NOS1AP: variants seen among roughly 807,000 people sequenced by gnomAD.
The protein encoded by NOS1AP is carboxyl-terminal PDZ ligand of neuronal nitric oxide synthase protein.
In NOS1AP, 21 loss-of-function variants were observed where a neutral mutation model predicts 56.2. The observed-to-expected ratio is 0.37, with a 90% CI of 0.26 to 0.54. NOS1AP has a LOEUF of 0.54. Among genes scored for constraint, NOS1AP ranks in the 20% least tolerant of loss-of-function variants. NOS1AP has a pLI of 0.84. For missense variants in NOS1AP, 522 were observed against 657.8 expected, an observed-to-expected ratio of 0.79 and a Z score of 2.26; for synonymous variants, 270 against 274.6, an observed-to-expected ratio of 0.98 and a Z score of 0.17.
chr1:162,321,729 A>ATATATAT (rs56969327), intron 4 of NOS1AP, among the ~76,000 whole-genome samples: 8 of 127,812 alleles, frequency 6.3e-5, no homozygotes, highest in Non-Finnish European at 1.2e-4. Flanking sequence ...TAAAAAAAAA[A>ATATATAT]AAATATATAT....
At chr1:162,201,056 C>G (rs1651975499) in intron 2 of NOS1AP, among the ~76,000 whole-genome samples, 1 of 152,170 alleles carries the variant, frequency 6.6e-6, no homozygotes, top group African/African-American at 2.4e-5. Context: ...TCTTCCTCCT[C>G]CCACTCTCTG....
At chr1:162,167,998 C>CAAAA (rs33932029) in intron 2 of NOS1AP, among the ~76,000 whole-genome samples, 11,397 of 139,004 alleles carry the variant, frequency 0.082, 1,257 homozygotes, top group African/African-American at 0.25. Context: ...AGTGGCTAGT[C>CAAAA]AAAAAAAAAA....
intron 2 of NOS1AP, among the ~76,000 whole-genome samples, chr1:162,250,199 G>T (rs763346608): frequency 6.6e-6 from 1 of 152,140 alleles, no homozygotes; most frequent in Non-Finnish European, 1.5e-5. Flanking sequence ...CCATTTTCCC[G>T]AGGGGACAGT....
intron 2 of NOS1AP, among the ~76,000 whole-genome samples, chr1:162,262,244 A>T (rs1362022805): frequency 6.6e-6 from 1 of 152,150 alleles, no homozygotes; most frequent in African/African-American, 2.4e-5. Flanking sequence ...AGCTATGGAT[A>T]AGAGAAGCAT....
chr1:162,241,771 G>A (rs1237174527), intron 2 of NOS1AP, among the ~76,000 whole-genome samples: 1 of 152,138 alleles, frequency 6.6e-6, no homozygotes, highest in Non-Finnish European at 1.5e-5. Context: ...AAAAGGGAAG[G>A]CATTCCAGAT....
chr1:162,076,288 A>G (rs920539344), intron 1 of NOS1AP, among the ~76,000 whole-genome samples: 3 of 151,798 alleles, frequency 2.0e-5, no homozygotes, highest in African/African-American at 7.3e-5. Flanking sequence ...TTTTTGCCCT[A>G]CCCTGCAAAC....
Position 162,367,374 on chromosome 1 carries a change from C to G in NOS1AP, c.1428C>G (p.Arg476=), listed in dbSNP as rs768081872. The change falls in exon 10 of 10, where the codon CGC becomes CGG. Residue 476 remains arginine (R), a synonymous_variant. Coordinates refer to ENST00000361897, the MANE Select transcript of NOS1AP (RefSeq NM_014697.3). The surrounding 1 kb of genome is among the most constrained non-coding windows in gnomAD (Gnocchi z 6.5). ...YESNTDESEE[R]DSWSQEELPR... ...CCAACACGGACGAGAGCGAGGAGCG[C>G]GACTCGTGGTCCCAGGAGGAGCTGC... The G allele has an allele frequency of 5.0e-6, 8 of 1,610,072 alleles. No homozygotes were observed. Among genetic ancestry groups the G allele is most frequent in the Non-Finnish European group, 6.8e-6 (8 of 1,178,284 alleles).
chr1:162,278,900 G>T (rs553637360), intron 2 of NOS1AP, among the ~76,000 whole-genome samples: 1 of 152,222 alleles, frequency 6.6e-6, no homozygotes, highest in East Asian at 1.9e-4. Context: ...TTTGCTTTCT[G>T]CCAGGAACGT....
chr1:162,159,179 C>T (rs977356003), intron 2 of NOS1AP, among the ~76,000 whole-genome samples: 20 of 152,076 alleles, frequency 1.3e-4, no homozygotes, highest in African/African-American at 4.1e-4. Flanking sequence ...ACCAGTCTGT[C>T]GTTTAACTTT....
intron 4 of NOS1AP, among the ~76,000 whole-genome samples, chr1:162,329,686 G>A (rs1656704766): frequency 6.6e-6 from 1 of 152,120 alleles, no homozygotes; most frequent in Admixed American, 6.5e-5. Flanking sequence ...AAGTAATGGA[G>A]AAATAAGGGT....
At chr1:162,166,588 G>A (rs761220386) in intron 2 of NOS1AP, among the ~76,000 whole-genome samples, 4 of 152,112 alleles carry the variant, frequency 2.6e-5, no homozygotes, top group Non-Finnish European at 5.9e-5. Flanking sequence ...CTTCTTTTGT[G>A]TTACCATTAC....
chr1:162,344,124 A>G (rs1657200464), intron 6 of NOS1AP, 148 bp downstream of exon 6: 3 of 865,762 alleles, frequency 3.5e-6, no homozygotes, highest in South Asian at 2.9e-5. Context: ...GATTCTCTTT[A>G]AGGAACACGT....
rs144578935 is a variant in NOS1AP, at chr1:162,112,664, A to G, written c.106-41741A>G. On this transcript the variant is annotated intron_variant, in intron 1 of 9. Coordinates refer to ENST00000361897, the MANE Select transcript of NOS1AP (RefSeq NM_014697.3). Reference sequence around the variant, plus strand: ...TGACATGGATGCACATTTAAAAGACAGACACTTTATAGATAGATTATTGAT... The same window carrying G: ...TGACATGGATGCACATTTAAAAGACGGACACTTTATAGATAGATTATTGAT... 3.7e-3 allele frequency among the ~76,000 whole-genome samples: 570 copies of G among 152,338 alleles called. 6 individuals are homozygous for G. Among genetic ancestry groups the G allele is most frequent in the African/African-American group, 0.013 (543 of 41,554 alleles).
At chr1:162,255,004 G>A (rs4399133) in intron 2 of NOS1AP, among the ~76,000 whole-genome samples, 149,186 of 152,300 alleles carry the variant, frequency 0.98, 73,150 homozygotes, top group East Asian at 1. Flanking sequence ...CAGTTTGGAC[G>A]TTCTATGATG....
chr1:162,218,408 C>T (rs924207131), intron 2 of NOS1AP, among the ~76,000 whole-genome samples: 1 of 152,158 alleles, frequency 6.6e-6, no homozygotes, highest in Non-Finnish European at 1.5e-5. Context: ...ACTCTCTTAC[C>T]TATTTGAAAC....
chr1:162,188,481 AG>A lies in NOS1AP; in HGVS notation c.177+34009del, dbSNP rs1199288000. On this transcript the variant is annotated intron_variant, in intron 2 of 9. Transcript: ENST00000361897. This position sits in a 1 kb window ranked among gnomAD's most constrained non-coding sequence, Gnocchi z 4.0. ...ATTGAAATGGGATTTTTTAGACTGT[AG>A]GGGCAGCACTCTTGTTTGTGGGCTC... Among the ~76,000 whole-genome samples, 3 of 152,198 alleles carry A rather than the reference AG, an allele frequency of 2.0e-5. No homozygotes were observed. Among genetic ancestry groups the A allele is most frequent in the African/African-American group, 7.2e-5 (3 of 41,446 alleles).
In NOS1AP at chr1:162,094,373, G is replaced by C. The variant is rs1692194074; in HGVS notation, c.105+24091G>C. On this transcript the variant is annotated intron_variant, in intron 1 of 9. Coordinates refer to ENST00000361897, the MANE Select transcript of NOS1AP (RefSeq NM_014697.3). Reference sequence around the variant, plus strand: ...GATATTTGCTTGTTTTTCAGACTCTGGTCTGATTGAAATGTTGGTGGTGTG... The same window carrying C: ...GATATTTGCTTGTTTTTCAGACTCTCGTCTGATTGAAATGTTGGTGGTGTG... Among the ~76,000 whole-genome samples the C allele has an allele frequency of 7.2e-5, 11 of 152,226 alleles. No homozygotes were observed. The South Asian group carries it at 2.3e-3, about 32-fold the overall frequency.
chr1:162,333,147 A>G (rs367607835), intron 5 of NOS1AP, 22 bp downstream of exon 5: 218 of 1,535,848 alleles, frequency 1.4e-4, no homozygotes, highest in Non-Finnish European at 1.8e-4. Context: ...GTTGCCGTCC[A>G]TCTGCTATTT....
chr1:162,359,727 G>T (rs1115777), intron 8 of NOS1AP, among the ~76,000 whole-genome samples: 8 of 151,932 alleles, frequency 5.3e-5, no homozygotes, highest in Non-Finnish European at 8.8e-5. Context: ...CGCGGGGGGG[G>T]GCTGATTTCA....
Sources: gnomAD v4.1 joint callset for allele counts (sites outside exome capture counted in the v4.1 genomes callset) on GRCh38, gnomAD v4.1.1 for gene constraint, Gnocchi (gnomAD v3.1) non-coding constraint, MANE v1.5 for transcripts, NCBI Gene and HGNC (gene_info 2026-07-23, HGNC 2026-07-21) for gene names.